VWA3B: variants seen among roughly 807,000 people sequenced by gnomAD.
The protein encoded by VWA3B is von Willebrand factor A domain-containing protein 3B.
VWA3B carries 138 observed loss-of-function variants against 158.3 expected under a neutral mutation model. The observed-to-expected ratio is 0.87, with a 90% CI of 0.76 to 1.00. The LOEUF is 1.00. VWA3B is among the 50% of genes least tolerant of loss of function. The pLI is 0.00. For missense variants in VWA3B, 1,555 were observed against 1,565.1 expected (o/e 0.99, Z 0.11); for synonymous variants, 596 against 587.3 (o/e 1.01, Z -0.21).
intron 8 of VWA3B, among the ~76,000 whole-genome samples, chr2:98,164,686 G>T (rs1678921342): frequency 6.6e-6 from 1 of 152,172 alleles, no homozygotes; most frequent in Admixed American, 6.5e-5. Context: ...CTTGATGTTG[G>T]TTTCCATGAT....
intron 7 of VWA3B, among the ~76,000 whole-genome samples, chr2:98,157,778 G>C (rs1033131692): frequency 6.6e-6 from 1 of 152,198 alleles, no homozygotes; most frequent in African/African-American, 2.4e-5. Context: ...GGGTTGGGCA[G>C]GGCCACAAAC....
In VWA3B at chr2:98,298,416, T is replaced by G. The variant is rs1467177750; in HGVS notation, c.3282+385T>G. On this transcript the variant is annotated intron_variant, in intron 24 of 27. Transcript: ENST00000477737. ...TCTATTCTATTCTATTCTATTCTAT[T>G]CTATTCTATTCTATTCTATTCTATT... 5.7e-4 allele frequency among the ~76,000 whole-genome samples: 86 copies of G among 151,208 alleles called. 2 individuals are homozygous for G. The highest frequency in any genetic ancestry group is 2.8e-3 in the Admixed American group (43 of 15,170).
At chr2:98,105,333 C>A (rs990332584) in intron 2 of VWA3B, among the ~76,000 whole-genome samples, 1 of 152,016 alleles carries the variant, frequency 6.6e-6, no homozygotes, top group African/African-American at 2.4e-5. Flanking sequence ...TACCTTTCAC[C>A]CAGTTTTCCC....
At chr2:98,164,825 C>G (rs6724669) in intron 8 of VWA3B, among the ~76,000 whole-genome samples, 16,784 of 152,202 alleles carry the variant, frequency 0.11, 984 homozygotes, top group Middle Eastern at 0.13. Context: ...TGAGACTACA[C>G]AAAATATTTT....
intron 6 of VWA3B, among the ~76,000 whole-genome samples, chr2:98,131,728 C>T (rs1289533926): frequency 2.0e-5 from 3 of 152,184 alleles, no homozygotes; most frequent in Admixed American, 6.5e-5. Flanking sequence ...GGCCAGGCTT[C>T]ACCTTGCCGG....
intron 10 of VWA3B, among the ~76,000 whole-genome samples, chr2:98,190,415 G>A (rs1681479264): frequency 6.6e-6 from 1 of 152,118 alleles, no homozygotes. Context: ...AGAAACTAGA[G>A]TAGATGTATT....
chr2:98,264,050 C>T (rs1687644442), intron 21 of VWA3B, among the ~76,000 whole-genome samples: 1 of 151,640 alleles, frequency 6.6e-6, no homozygotes, highest in African/African-American at 2.4e-5. Flanking sequence ...GTCTCATAAT[C>T]CTTTTAATTT....
chr2:98,245,735 A>G (rs550956887), intron 19 of VWA3B: 59 of 384,652 alleles, frequency 1.5e-4, no homozygotes, highest in Middle Eastern at 1.4e-3. Flanking sequence ...TTGGAAAGCT[A>G]TTTACAGACT....
At chr2:98,317,416 G>A (rs926706916), downstream of VWA3B, among the ~76,000 whole-genome samples, 1 of 152,216 alleles carries the variant, frequency 6.6e-6, no homozygotes, top group Non-Finnish European at 1.5e-5. Context: ...GCCCTGAGGG[G>A]AAGTGGGGGT....
chr2:98,279,980 T>A (rs1307349560), intron 22 of VWA3B, among the ~76,000 whole-genome samples: 1 of 152,220 alleles, frequency 6.6e-6, no homozygotes, highest in East Asian at 1.9e-4. Flanking sequence ...CACACCAGTC[T>A]CGTGTGAGAT....
chr2:98,207,132 G>A, intron 12 of VWA3B: 3 of 538,952 alleles, frequency 5.6e-6, no homozygotes, highest in East Asian at 5.1e-5. Context: ...CTTCTGCTGT[G>A]GGCTATCAGC....
intron 9 of VWA3B, among the ~76,000 whole-genome samples, chr2:98,182,527 G>A (rs999555520): frequency 3.3e-5 from 5 of 152,202 alleles, no homozygotes; most frequent in Non-Finnish European, 7.3e-5. Flanking sequence ...CTACAGCGCA[G>A]GGAAAATCTC....
chr2:98,261,467 T>C (rs1687475374), intron 21 of VWA3B, among the ~76,000 whole-genome samples: 1 of 151,848 alleles, frequency 6.6e-6, no homozygotes, highest in African/African-American at 2.4e-5. Flanking sequence ...CTAGTGTTTG[T>C]ATTTACCTGT....
At chr2:98,197,186 A>G (rs773323327) in intron 12 of VWA3B, among the ~76,000 whole-genome samples, 20 of 152,156 alleles carry the variant, frequency 1.3e-4, no homozygotes, top group Non-Finnish European at 2.2e-4. Flanking sequence ...GATCTTCTGT[A>G]GAATGTCCTT....
At chr2:98,307,236 A>G (rs1300675799) in intron 26 of VWA3B, among the ~76,000 whole-genome samples, 1 of 152,226 alleles carries the variant, frequency 6.6e-6, no homozygotes, top group Non-Finnish European at 1.5e-5. Flanking sequence ...TACACTTGCC[A>G]GCAGTTTTGC....
At chr2:98,121,576 G>A (rs972167249) in intron 5 of VWA3B, 118 bp downstream of exon 5, 17 of 1,347,268 alleles carry the variant, frequency 1.3e-5, no homozygotes, top group East Asian at 4.8e-5. Flanking sequence ...AGCAGGATCC[G>A]ACAGAGATCC....
intron 12 of VWA3B, among the ~76,000 whole-genome samples, chr2:98,205,408 T>A (rs1466671967): frequency 6.6e-6 from 1 of 152,192 alleles, no homozygotes; most frequent in East Asian, 1.9e-4. Flanking sequence ...TGGTAATATG[T>A]GTCTTTTTAC....
At chr2:98,310,800 A>G (rs1451528621) in intron 26 of VWA3B, among the ~76,000 whole-genome samples, 1 of 152,204 alleles carries the variant, frequency 6.6e-6, no homozygotes, top group Non-Finnish European at 1.5e-5. Context: ...GGCTTTTCCC[A>G]ATGTCACTGC....
intron 7 of VWA3B, among the ~76,000 whole-genome samples, chr2:98,149,375 G>A (rs1677431107): frequency 6.6e-6 from 1 of 152,226 alleles, no homozygotes; most frequent in Non-Finnish European, 1.5e-5. Flanking sequence ...TCCACAGGAT[G>A]TGAGCTGGCT....
Sources: gnomAD v4.1 joint callset for allele counts (sites outside exome capture counted in the v4.1 genomes callset) on GRCh38, gnomAD v4.1.1 for gene constraint, MANE v1.5 for transcripts, NCBI Gene and HGNC (gene_info 2026-07-23, HGNC 2026-07-21) for gene names.